Variants in MACROD2 observed in about 807,000 individuals in gnomAD.
The protein encoded by MACROD2 is mono-ADP ribosylhydrolase 2.
Under a neutral mutation model 70.4 loss-of-function variants are expected in MACROD2, and 36 were observed. The observed-to-expected ratio is 0.51, with a 90% confidence interval of 0.39 to 0.68. MACROD2 has a LOEUF of 0.68. Ranked by LOEUF, MACROD2 falls within the 30% of genes least tolerant of loss-of-function variation. The probability of loss-of-function intolerance (pLI) is 0.00; values close to 1 mark genes in which losing one functional copy is unlikely to be tolerated. For synonymous variants in MACROD2, 172 were observed against 178.8 expected, an observed-to-expected ratio of 0.96 and a Z score of 0.30; for missense variants, 496 against 538.4, an observed-to-expected ratio of 0.92 and a Z score of 0.78.
intron 4 of MACROD2, among the ~76,000 whole-genome samples, chr20:14,534,051 A>AC (rs969359719): frequency 6.6e-6 from 1 of 152,042 alleles, no homozygotes; most frequent in Non-Finnish European, 1.5e-5. Context: ...TCTACTTATT[A>AC]AAAAAAATAC....
intron 8 of MACROD2, among the ~76,000 whole-genome samples, chr20:15,575,166 T>TTTTG (rs2048428922): frequency 6.6e-6 from 1 of 152,120 alleles, no homozygotes; most frequent in African/African-American, 2.4e-5. Flanking sequence ...GAAAAGCTGT[T>TTTTG]TTTGTTTTGT....
intron 12 of MACROD2, among the ~76,000 whole-genome samples, chr20:15,940,259 CTTTT>C (rs35217675): frequency 2.1e-5 from 3 of 144,184 alleles, no homozygotes; most frequent in African/African-American, 2.5e-5. Context: ...CCTGGCTCTT[CTTTT>C]TTTTTTTTTT....
intron 5 of MACROD2, among the ~76,000 whole-genome samples, chr20:15,075,093 T>G (rs1222155624): frequency 6.6e-6 from 1 of 152,162 alleles, no homozygotes; most frequent in Non-Finnish European, 1.5e-5. Flanking sequence ...TATGAGTGGA[T>G]AGAAGATGGG....
chr20:14,199,193 A>G (rs1254219693), intron 3 of MACROD2, among the ~76,000 whole-genome samples: 1 of 152,226 alleles, frequency 6.6e-6, no homozygotes, highest in Non-Finnish European at 1.5e-5. Flanking sequence ...GGTTCTCTTC[A>G]GGAACTCTTG....
At chr20:15,529,485 C>T (rs149080063) in intron 8 of MACROD2, among the ~76,000 whole-genome samples, 12 of 151,822 alleles carry the variant, frequency 7.9e-5, no homozygotes, top group South Asian at 4.2e-4. Flanking sequence ...TTAAATTAAA[C>T]GTCTATGTAA....
chr20:15,021,743 C>T (rs2075187849), intron 5 of MACROD2: 1 of 151,932 alleles, frequency 6.6e-6, no homozygotes, highest in Non-Finnish European at 1.5e-5. Flanking sequence ...GTGAACTATT[C>T]TGTATGATAC....
intron 12 of MACROD2, among the ~76,000 whole-genome samples, chr20:15,948,607 C>A (rs1473373668): frequency 6.6e-6 from 1 of 151,964 alleles, no homozygotes; most frequent in Non-Finnish European, 1.5e-5. Flanking sequence ...CAAGACTTTT[C>A]CTATTTGTTC....
intron 4 of MACROD2, among the ~76,000 whole-genome samples, chr20:14,642,730 C>T (rs1165202694): frequency 6.6e-6 from 1 of 151,944 alleles, no homozygotes; most frequent in Non-Finnish European, 1.5e-5. Context: ...TTTTTATGGG[C>T]TTTATTGGTG....
chr20:14,363,595 C>T (rs2083243530), intron 3 of MACROD2, among the ~76,000 whole-genome samples: 1 of 150,584 alleles, frequency 6.6e-6, no homozygotes, highest in Non-Finnish European at 1.5e-5. Flanking sequence ...CCGAGGTGGG[C>T]GGATCACGAG....
At chr20:16,037,284 A>G (rs893907359) in intron 15 of MACROD2, among the ~76,000 whole-genome samples, 8 of 151,978 alleles carry the variant, frequency 5.3e-5, no homozygotes, top group African/African-American at 1.9e-4. Flanking sequence ...TTATTTCACT[A>G]AGCATTGTTT....
intron 8 of MACROD2, among the ~76,000 whole-genome samples, chr20:15,736,921 G>A (rs564054608): frequency 6.6e-6 from 1 of 152,244 alleles, no homozygotes; most frequent in South Asian, 2.1e-4. Flanking sequence ...TTGAGTTGAG[G>A]CTAGTATTTT....
intron 5 of MACROD2, among the ~76,000 whole-genome samples, chr20:14,718,660 T>G (rs1226463336): frequency 6.6e-6 from 1 of 152,070 alleles, no homozygotes; most frequent in African/African-American, 2.4e-5. Flanking sequence ...ATTTAAATGA[T>G]CAGAATCAGA....
chr20:14,221,443 G>A (rs1011199025), intron 3 of MACROD2, among the ~76,000 whole-genome samples: 5 of 152,136 alleles, frequency 3.3e-5, no homozygotes, highest in Non-Finnish European at 7.4e-5. Context: ...GCAGAAAAAT[G>A]AAACTGGATC....
chr20:15,786,805 G>A (rs2051935647), intron 8 of MACROD2, among the ~76,000 whole-genome samples: 1 of 152,108 alleles, frequency 6.6e-6, no homozygotes, highest in Admixed American at 6.5e-5. Context: ...AAACAACAAT[G>A]GGGATTATAG....
intron 4 of MACROD2, among the ~76,000 whole-genome samples, chr20:14,659,989 A>C (rs1986150710): frequency 6.6e-6 from 1 of 152,166 alleles, no homozygotes; most frequent in Non-Finnish European, 1.5e-5. Context: ...GGGCTTGTTT[A>C]GAGAGAATAA....
chr20:14,766,091 C>T (rs959705170), intron 5 of MACROD2, among the ~76,000 whole-genome samples: 2 of 151,972 alleles, frequency 1.3e-5, no homozygotes, highest in Non-Finnish European at 2.9e-5. Flanking sequence ...TTACGATTCA[C>T]TAGAAAGCTG....
chr20:15,756,778 C>T (rs763911496), intron 8 of MACROD2, among the ~76,000 whole-genome samples: 1 of 152,200 alleles, frequency 6.6e-6, no homozygotes, highest in Non-Finnish European at 1.5e-5. Context: ...AATGTCTATG[C>T]AAGTCTTTAC....
chr20:14,083,956 A>G (rs1343653843), intron 2 of MACROD2, among the ~76,000 whole-genome samples: 1 of 150,990 alleles, frequency 6.6e-6, no homozygotes, highest in Non-Finnish European at 1.5e-5. Context: ...AGCTATTCGG[A>G]GAGGCTGAGG....
intron 4 of MACROD2, among the ~76,000 whole-genome samples, chr20:14,673,864 G>A (rs980823562): frequency 1.4e-5 from 2 of 146,738 alleles, no homozygotes; most frequent in Admixed American, 7.0e-5. Flanking sequence ...AGGTTGCAGT[G>A]AGCCAAGATC....
Sources: gnomAD v4.1 joint callset for allele counts (sites outside exome capture counted in the v4.1 genomes callset) on GRCh38, gnomAD v4.1.1 for gene constraint, MANE v1.5 for transcripts, NCBI Gene and HGNC (gene_info 2026-07-23, HGNC 2026-07-21) for gene names.